Variants in CRAMP1 observed in about 807,000 individuals in gnomAD.
CRAMP1 encodes cramped chromatin regulator 1.
CRAMP1 carries 50 observed loss-of-function variants against 115.4 expected under a neutral mutation model. The observed-to-expected ratio is 0.43, with a 90% confidence interval of 0.35 to 0.55. CRAMP1 has a LOEUF of 0.55. Among genes scored for constraint, CRAMP1 ranks in the 20% least tolerant of loss-of-function variants. The pLI is 0.01. For missense variants in CRAMP1, 1,679 were observed against 1,721.7 expected (o/e 0.98, Z 0.44); for synonymous variants, 866 against 745.4 (o/e 1.16, Z -2.64).
rs558404802 is a variant in CRAMP1 at position 1,655,158 on chromosome 16, C to A, written c.1038-61C>A. 8.0e-5 allele frequency: 116 copies of A among 1,441,064 alleles called. 2 individuals carry two copies. In the South Asian group the frequency reaches 1.3e-3, roughly 16 times the overall value. The allele number at this position is 1,441,064 out of a possible 1,614,324, so 89.3% of individuals were successfully genotyped here. A position where few individuals can be genotyped will look rare whatever the true frequency, so the allele number is the denominator to read the frequency against. On this transcript the variant is annotated intron_variant, in intron 8 of 20. Transcript: ENST00000397412. ...TCCTGCTGTAAGCAGCCTCGGGACT[C>A]TTCAGATGGTTTCCTTCCTGTTCTG...
intron 14 of CRAMP1, chr16:1,665,785 G>A (rs2036869162): frequency 4.6e-6 from 2 of 432,796 alleles, no homozygotes; most frequent in African/African-American, 4.0e-5. Context: ...CCTCAGCTTG[G>A]GGGCTTGTCA....
intron 11 of CRAMP1, among the ~76,000 whole-genome samples, chr16:1,662,132 C>T (rs1161416203): frequency 6.6e-6 from 1 of 152,232 alleles, no homozygotes; most frequent in Admixed American, 6.5e-5. Flanking sequence ...TTTTCTGGCC[C>T]TTCACCAGGA....
intron 13 of CRAMP1, 26 bp downstream of exon 13, chr16:1,662,861 T>C: frequency 2.5e-6 from 4 of 1,598,106 alleles, no homozygotes; most frequent in Non-Finnish European, 3.4e-6. Flanking sequence ...AGTCTGAACG[T>C]GTGGCCTCGT....
intron 2 of CRAMP1, among the ~76,000 whole-genome samples, chr16:1,623,495 A>G (rs1344380545): frequency 6.6e-6 from 1 of 152,242 alleles, no homozygotes; most frequent in Non-Finnish European, 1.5e-5. Context: ...TAGGAAATTT[A>G]TGTCTGTTAC....
At chr16:1,645,093 GAGC>G (rs2036662444) in intron 6 of CRAMP1, among the ~76,000 whole-genome samples, 1 of 151,430 alleles carries the variant, frequency 6.6e-6, no homozygotes, top group African/African-American at 2.4e-5. Flanking sequence ...TTAGTTTTTA[GAGC>G]AGTTTTAAGT....
At chr16:1,655,792 C>A in intron 9 of CRAMP1, 85 bp from the exon 10 acceptor site, 1 of 1,448,848 alleles carries the variant, frequency 6.9e-7, no homozygotes, top group Non-Finnish European at 9.4e-7. Flanking sequence ...CAGTGGGGAG[C>A]GTGGCTCGTG....
At chr16:1,632,632 T>A (rs1005558200) in intron 4 of CRAMP1, among the ~76,000 whole-genome samples, 2 of 152,254 alleles carry the variant, frequency 1.3e-5, no homozygotes, top group African/African-American at 4.8e-5. Flanking sequence ...TTCCAGTGGC[T>A]CTGAGTGTGC....
chr16:1,656,206 G>C lies in CRAMP1; in HGVS notation c.1449G>C (p.Leu483Phe), dbSNP rs757719069. 6.2e-7 allele frequency: 1 copy of C among 1,604,030 alleles called. No homozygotes were observed. Among genetic ancestry groups the C allele is most frequent in the Non-Finnish European group, 8.5e-7 (1 of 1,176,264 alleles). ...GGCCCCCTCCTGCGGCTGACGCCTT[G>C]CAGAGCTCCGGAGAGAGTTCCCCCG... ...VGRPPPAADA[L>F]QSSGESSPES... The change falls in exon 10 of 21, where the codon TTG becomes TTC. Residue 483 changes from leucine to phenylalanine, a missense_variant. Physicochemically the swap from Leu to Phe is conservative, Grantham distance 22. Around this residue, in one of 8 missense-constraint regions of CRAMP1, gnomAD observed 405 missense variants for 302.6 expected, o/e 1.34. Coordinates refer to ENST00000397412, the MANE Select transcript of CRAMP1 (RefSeq NM_020825.4). This position sits in a 1 kb window ranked among gnomAD's most constrained non-coding sequence, Gnocchi z 5.6.
chr16:1,661,116 G>T (rs2036825549), intron 11 of CRAMP1, among the ~76,000 whole-genome samples: 1 of 152,110 alleles, frequency 6.6e-6, no homozygotes, highest in Admixed American at 6.5e-5. Context: ...GATCACTTGA[G>T]GCCAGCCTGG....
rs891742299 is a variant in CRAMP1, at chr16:1,666,859, C to A, written c.3036+259C>A. Among the ~76,000 whole-genome samples the A allele has an allele frequency of 1.3e-5, 2 of 152,246 alleles. No individual in the cohort carries two copies. Among genetic ancestry groups the A allele is most frequent in the East Asian group, 3.8e-4 (2 of 5,204 alleles). On this transcript the variant is annotated intron_variant, in intron 16 of 20. Transcript: ENST00000397412. The surrounding 1 kb of genome is among the most constrained non-coding windows in gnomAD (Gnocchi z 5.0). ...AGACGGTGTGGAAACATAGCTCCAT[C>A]TGAGAGTGACCATAACCAAGGTGGC...
chr16:1,667,040 G>A (rs758853144), intron 16 of CRAMP1, among the ~76,000 whole-genome samples: 1 of 152,262 alleles, frequency 6.6e-6, no homozygotes, highest in Non-Finnish European at 1.5e-5. Context: ...AGGAGGGTGG[G>A]GTGGGCTGAT....
chr16:1,616,055 G>A (rs2036416355), intron 2 of CRAMP1, among the ~76,000 whole-genome samples: 1 of 152,162 alleles, frequency 6.6e-6, no homozygotes, highest in African/African-American at 2.4e-5. Flanking sequence ...CGGAATCATG[G>A]CCTTACTCAT....
Position 1,614,900 on chromosome 16 carries a change from G to C in CRAMP1, c.261G>C (p.Val87=). 7.5e-7 allele frequency: 1 copy of C among 1,326,294 alleles called. No homozygotes were observed. The highest frequency in any genetic ancestry group is 9.6e-7 in the Non-Finnish European group (1 of 1,036,902). The allele number at this position is 1,326,294 out of a possible 1,614,324, so 82.2% of individuals were successfully genotyped here. A position where few individuals can be genotyped will look rare whatever the true frequency, so the allele number is the denominator to read the frequency against. Residue 87 remains valine, a synonymous_variant, in exon 2 of 21, where the codon GTG becomes GTC. Coordinates refer to ENST00000397412, the MANE Select transcript of CRAMP1 (RefSeq NM_020825.4). The surrounding 1 kb of genome is among the most constrained non-coding windows in gnomAD (Gnocchi z 4.4). ...QDQHHFLRSS[V]RPQSKRPRKD... is the part of the protein sequence containing the mutation. ...AGCACCACTTCCTCCGGTCCAGCGT[G>C]CGGCCGCAGAGCAAGAGGCCCAGGA...
At chr16:1,661,593 AT>A (rs1307504814) in intron 11 of CRAMP1, among the ~76,000 whole-genome samples, 254 of 127,676 alleles carry the variant, frequency 2.0e-3, no homozygotes, top group Middle Eastern at 0.012. Context: ...CTATGAAAGA[AT>A]TTTTTTTTTT....
chr16:1,657,809 C>A (rs371555020), intron 10 of CRAMP1, among the ~76,000 whole-genome samples: 1 of 152,182 alleles, frequency 6.6e-6, no homozygotes, highest in South Asian at 2.1e-4. Context: ...CAAGGTCCCA[C>A]GGCAGGTCCA....
At chr16:1,618,744 C>G (rs1382818120) in intron 2 of CRAMP1, among the ~76,000 whole-genome samples, 2 of 152,142 alleles carry the variant, frequency 1.3e-5, no homozygotes, top group Admixed American at 6.5e-5. Context: ...AGAGATTGTA[C>G]CTGTAGTCCT....
intron 13 of CRAMP1, among the ~76,000 whole-genome samples, chr16:1,664,358 T>C (rs916683376): frequency 7.2e-5 from 11 of 152,192 alleles, no homozygotes; most frequent in African/African-American, 2.7e-4. Flanking sequence ...GACTTTATTT[T>C]ACTCACCCCA....
intron 11 of CRAMP1, 126 bp downstream of exon 11, chr16:1,660,189 C>G (rs1251779784): frequency 4.0e-6 from 3 of 755,774 alleles, no homozygotes; most frequent in Non-Finnish European, 4.1e-6. Flanking sequence ...CAGCTCGCCA[C>G]TATCCAGATG....
chr16:1,624,092 C>T (rs1042946814), intron 2 of CRAMP1, among the ~76,000 whole-genome samples: 1 of 151,568 alleles, frequency 6.6e-6, no homozygotes, highest in African/African-American at 2.4e-5. Flanking sequence ...CGCATGTGGA[C>T]ATTGACTACT....
Sources: allele counts gnomAD v4.1 joint callset (sites outside exome capture counted in the v4.1 genomes callset), GRCh38; gene constraint gnomAD v4.1.1; regional missense constraint gnomAD v4.1.1; non-coding constraint Gnocchi (gnomAD v3.1); transcripts MANE v1.5; gene names NCBI Gene and HGNC (gene_info 2026-07-23, HGNC 2026-07-21).